ZBTB7C: variants seen among roughly 807,000 people sequenced by gnomAD.
ZBTB7C encodes zinc finger and BTB domain containing 7C.
ZBTB7C carries 8 observed loss-of-function variants against 25.7 expected under a neutral mutation model. The ratio of observed to expected loss-of-function variants is 0.31; its 90% CI spans 0.18 to 0.56. ZBTB7C has a LOEUF of 0.56. ZBTB7C is among the 20% of genes least tolerant of loss of function. ZBTB7C has a pLI of 0.91. For synonymous variants in ZBTB7C, 394 were observed against 369.0 expected (o/e 1.07, Z -0.78); for missense variants, 824 against 855.2 (o/e 0.96, Z 0.46).
At chr18:48,254,847 T>C (rs1012192507) in intron 2 of ZBTB7C, among the ~76,000 whole-genome samples, 14 of 152,192 alleles carry the variant, frequency 9.2e-5, no homozygotes, top group Non-Finnish European at 2.1e-4. Flanking sequence ...AGTATCTCAG[T>C]GTACTGACTT....
chr18:48,272,787 T>C (rs1184311810), intron 2 of ZBTB7C, among the ~76,000 whole-genome samples: 1 of 151,896 alleles, frequency 6.6e-6, no homozygotes, highest in Non-Finnish European at 1.5e-5. Flanking sequence ...CAAAATATGG[T>C]ATATCCAAAC....
At chr18:48,329,193 A>C (rs1157106112) in intron 2 of ZBTB7C, among the ~76,000 whole-genome samples, 2 of 152,238 alleles carry the variant, frequency 1.3e-5, no homozygotes, top group African/African-American at 4.8e-5. Context: ...GCACACATTG[A>C]TCAATTAACA....
Position 48,040,360 on chromosome 18 carries a change from G to T in ZBTB7C, c.748C>A (p.Pro250Thr). ...TGTGGAAAGAAGTCCGGGGCGAATG[G>T]AGACAAGGAGGGTCTCCTGTCGGGG... ...NIPDRRPSLS[P>T]FAPDFFPHLW... Residue 250 changes from proline (P) to threonine (T), a missense_variant, in exon 4 of 5, where the codon CCA becomes ACA. By Grantham distance (38) the Pro-to-Thr change is conservative. Coordinates refer to ENST00000590800, the MANE Select transcript of ZBTB7C (RefSeq NM_001318841.2). 1 of 1,610,464 alleles carries T rather than the reference G, an allele frequency of 6.2e-7. No homozygotes were observed.
At chr18:48,077,505 C>G (rs572773758) in intron 3 of ZBTB7C, among the ~76,000 whole-genome samples, 7 of 152,160 alleles carry the variant, frequency 4.6e-5, no homozygotes, top group Admixed American at 1.3e-4. Flanking sequence ...TCCAACTTGG[C>G]GAGTCTGAGC....
At chr18:48,302,751 T>C (rs1475334743) in intron 2 of ZBTB7C, among the ~76,000 whole-genome samples, 4 of 152,174 alleles carry the variant, frequency 2.6e-5, no homozygotes, top group African/African-American at 7.2e-5. Flanking sequence ...TAGTCCATAG[T>C]TGACTCCAGT....
rs58569472 is a variant in ZBTB7C at position 48,367,347 on chromosome 18, CATAT to C, written c.-303-28953_-303-28950del. ...GTGTATATATATACATATATGTGTG[CATAT>C]ATATATATATATATATATATAAAAT... is the stretch of plus-strand genomic sequence containing the variant. On this transcript the variant is annotated intron_variant, in intron 1 of 4. Transcript: ENST00000590800. Among the ~76,000 whole-genome samples the C allele has an allele frequency of 2.4e-3, 109 of 44,836 alleles. No individual in the cohort carries two copies. In the South Asian group the frequency reaches 0.03, roughly 12 times the overall value. 29.4% of individuals were successfully genotyped at this position (44,836 alleles called of 152,430 possible).
chr18:48,221,166 T>A (rs572777206), intron 2 of ZBTB7C, among the ~76,000 whole-genome samples: 1 of 151,456 alleles, frequency 6.6e-6, no homozygotes. Context: ...CTAGTCTCCC[T>A]CTATACTATC....
chr18:48,255,046 G>C (rs1037841319), intron 2 of ZBTB7C, among the ~76,000 whole-genome samples: 2 of 152,136 alleles, frequency 1.3e-5, no homozygotes, highest in Non-Finnish European at 2.9e-5. Context: ...TTATAAGCAA[G>C]GTCCAACAGG....
chr18:48,251,066 A>G (rs2043841262), intron 2 of ZBTB7C, among the ~76,000 whole-genome samples: 1 of 152,072 alleles, frequency 6.6e-6, no homozygotes, highest in Admixed American at 6.5e-5. Flanking sequence ...TCTACTAAAA[A>G]TAAAAATAAA....
chr18:48,285,445 C>A (rs751909128), intron 2 of ZBTB7C, among the ~76,000 whole-genome samples: 1 of 152,128 alleles, frequency 6.6e-6, no homozygotes, highest in Non-Finnish European at 1.5e-5. Flanking sequence ...ATTGCAAGAC[C>A]AGCTTTGTTT....
intron 2 of ZBTB7C, among the ~76,000 whole-genome samples, chr18:48,331,030 C>T (rs551185890): frequency 6.6e-6 from 1 of 152,278 alleles, no homozygotes; most frequent in Admixed American, 6.5e-5. Context: ...TTGCACACCA[C>T]CCCAGCCAAG....
chr18:48,204,979 A>T (rs1192639161), intron 2 of ZBTB7C, among the ~76,000 whole-genome samples: 3 of 152,176 alleles, frequency 2.0e-5, no homozygotes, highest in Non-Finnish European at 4.4e-5. Flanking sequence ...TGAGAATAAA[A>T]AAGCAGCCCA....
At chr18:48,141,470 G>C (rs2040347223) in intron 3 of ZBTB7C, among the ~76,000 whole-genome samples, 1 of 152,098 alleles carries the variant, frequency 6.6e-6, no homozygotes, top group Non-Finnish European at 1.5e-5. Flanking sequence ...TGTGGTACAG[G>C]TGTTTATTGA....
intron 2 of ZBTB7C, among the ~76,000 whole-genome samples, chr18:48,208,134 G>A (rs937034919): frequency 2.6e-5 from 4 of 152,118 alleles, no homozygotes; most frequent in Admixed American, 2.6e-4. Flanking sequence ...AGCTGGCCTT[G>A]GTGGCCTTTC....
rs2041711508 is a variant in ZBTB7C at position 48,177,245 on chromosome 18, C to T, written c.-17+8689G>A. Among the ~76,000 whole-genome samples the T allele has an allele frequency of 2.0e-5, 3 of 152,290 alleles. No individual in the cohort carries two copies. The South Asian group carries it at 6.2e-4, about 32-fold the overall frequency. On this transcript the variant is annotated intron_variant, in intron 3 of 4. Coordinates refer to ENST00000590800, the MANE Select transcript of ZBTB7C (RefSeq NM_001318841.2). Reference sequence around the variant, plus strand: ...GGTCCCCTCGCCCTCCTGCTTCACCCTCAGGCCTCAGCTTCTAGAACTCAG... The same window carrying T: ...GGTCCCCTCGCCCTCCTGCTTCACCTTCAGGCCTCAGCTTCTAGAACTCAG...
At chr18:48,268,044 T>G (rs527566439) in intron 2 of ZBTB7C, among the ~76,000 whole-genome samples, 52 of 152,292 alleles carry the variant, frequency 3.4e-4, no homozygotes, top group South Asian at 4.1e-4. Context: ...AGGCCAACAT[T>G]CAAGATATAT....
rs533436081 is a variant in ZBTB7C at position 48,334,756 on chromosome 18, G to C, written c.-79+3418C>G. 2.8e-4 allele frequency among the ~76,000 whole-genome samples: 42 copies of C among 152,304 alleles called. 1 individual carries two copies. The South Asian group carries it at 7.9e-3, about 29-fold the overall frequency. ...GAAGTTATTTGAATTTTTCTTTCTG[G>C]GAAAAGCAAGGGGACATGGTAAGGT... On this transcript the variant is annotated intron_variant, in intron 2 of 4. Coordinates refer to ENST00000590800, the MANE Select transcript of ZBTB7C (RefSeq NM_001318841.2).
intron 2 of ZBTB7C, among the ~76,000 whole-genome samples, chr18:48,313,859 T>A (rs1367806336): frequency 2.6e-5 from 4 of 152,140 alleles, no homozygotes. Flanking sequence ...TGGGAGGTAC[T>A]GGATCATAGG....
chr18:48,037,477 C>A (rs1317710197), intron 4 of ZBTB7C, among the ~76,000 whole-genome samples: 1 of 152,210 alleles, frequency 6.6e-6, no homozygotes, highest in Non-Finnish European at 1.5e-5. Context: ...AGAGAATGTC[C>A]CAGGGTCCAG....
Sources: allele counts gnomAD v4.1 joint callset (sites outside exome capture counted in the v4.1 genomes callset), GRCh38; gene constraint gnomAD v4.1.1; transcripts MANE v1.5; gene names NCBI Gene and HGNC (gene_info 2026-07-23, HGNC 2026-07-21).